The following PRAMEF1 variants were observed in gnomAD, a reference collection of about 807,000 sequenced individuals.
PRAMEF1 encodes the protein PRAME family member 1.
A neutral mutation model predicts 38.2 loss-of-function variants in PRAMEF1; 21 were observed. The observed-to-expected ratio is 0.55, with a 90% CI of 0.39 to 0.79. The LOEUF (loss-of-function observed/expected upper bound fraction) is 0.79, where lower values mean the gene tolerates loss of function less well. Ranked by LOEUF, PRAMEF1 falls within the 30% of genes least tolerant of loss-of-function variation. The probability of loss-of-function intolerance (pLI) is 0.00; values close to 1 mark genes in which losing one functional copy is unlikely to be tolerated. For synonymous variants in PRAMEF1, 200 were observed against 229.0 expected, an observed-to-expected ratio of 0.87 and a Z score of 1.14; for missense variants, 497 against 565.8, an observed-to-expected ratio of 0.88 and a Z score of 1.23.
Position 12,796,377 on chromosome 1 carries a change from C to A in PRAMEF1, c.*381C>A. ...GACATCAGTGAGAACTTCAGGGACC[C>A]GTGTCCTAGAGTCGGAAAGAGAAGC... On this transcript the variant is annotated 3_prime_UTR_variant, in exon 4 of 4. Transcript: ENST00000332296. 3.8e-6 allele frequency: 1 copy of A among 262,190 alleles called. No homozygotes were observed. Among genetic ancestry groups the A allele is most frequent in the Non-Finnish European group, 7.2e-6 (1 of 139,042 alleles). 16.2% of individuals were successfully genotyped at this position (262,190 alleles called of 1,614,324 possible). A position where few individuals can be genotyped will look rare whatever the true frequency, so the allele number is the denominator to read the frequency against.
chr1:12,792,262 T>A (rs1439581133), intron 1 of PRAMEF1, among the ~76,000 whole-genome samples: 2 of 151,390 alleles, frequency 1.3e-5, no homozygotes, highest in African/African-American at 4.8e-5. Context: ...CCTCAGGAGA[T>A]CTGCCCACCT....
chr1:12,794,350 G>A lies in PRAMEF1; in HGVS notation c.723G>A (p.Arg241=). 1.9e-6 allele frequency: 3 copies of A among 1,612,096 alleles called. No individual in the cohort carries two copies. Among genetic ancestry groups the A allele is most frequent in the Non-Finnish European group, 1.7e-6 (2 of 1,179,030 alleles). Residue 241 remains arginine, a synonymous_variant, in exon 3 of 4, where the codon AGG becomes AGA. Transcript: ENST00000332296. The stretch of plus-strand genomic sequence containing the variant: ...ATCTTCGCAAACTCGTTTTCTCCAG[G>A]TGCCATCATTACACGTCAGATAATG... ...MKNLRKLVFS[R]CHHYTSDNEL...
At chr1:12,791,792 A>C (rs1384437717) in intron 1 of PRAMEF1, among the ~76,000 whole-genome samples, 1 of 134,032 alleles carries the variant, frequency 7.5e-6, no homozygotes, top group Non-Finnish European at 1.7e-5. Flanking sequence ...CAGTTCATAG[A>C]CTTGGTGTTA....
rs2100304079 is a variant in PRAMEF1 at position 12,796,351 on chromosome 1, T to C, written c.*355T>C. On this transcript the variant is annotated 3_prime_UTR_variant, in exon 4 of 4. Transcript: ENST00000332296. ...GCAAGGTTGGAGGAAAATGTTGAGG[T>C]GACATCAGTGAGAACTTCAGGGACC... 3.2e-6 allele frequency: 1 copy of C among 311,112 alleles called. No individual in the cohort carries two copies. The highest frequency in any genetic ancestry group is 5.9e-6 in the Non-Finnish European group (1 of 170,434). 19.3% of individuals were successfully genotyped at this position (311,112 alleles called of 1,614,324 possible).
Position 12,795,447 on chromosome 1 carries a change from G to A in PRAMEF1, c.876G>A (p.Gln292=). ...GHLEQLIRCL[Q]NPLENLELTY... ...TTCTTGATCTCCACAGGTGCCTCCA[G>A]AACCCCTTGGAGAACTTGGAATTAA... The change falls in exon 4 of 4, where the codon CAG becomes CAA. Residue 292 remains glutamine (Q), a synonymous_variant. Transcript: ENST00000332296. 1.9e-6 allele frequency: 3 copies of A among 1,611,342 alleles called. No homozygotes were observed. The highest frequency in any genetic ancestry group is 2.5e-6 in the Non-Finnish European group (3 of 1,178,544).
chr1:12,795,158 G>C (rs199641992), intron 3 of PRAMEF1, among the ~76,000 whole-genome samples: 25 of 149,308 alleles, frequency 1.7e-4, no homozygotes, highest in Non-Finnish European at 3.7e-4. Flanking sequence ...GGGTACCTGT[G>C]GCCCAGAGAT....
intron 1 of PRAMEF1, among the ~76,000 whole-genome samples, chr1:12,792,642 T>C (rs1639313028): frequency 6.6e-6 from 1 of 151,354 alleles, no homozygotes; most frequent in African/African-American, 2.4e-5. Context: ...AGTGGTGCGA[T>C]CTTGGCTCAT....
rs748961510 is a variant in PRAMEF1, at chr1:12,795,451, C to A, written c.880C>A (p.Pro294Thr). Residue 294 changes from proline to threonine, a missense_variant, in exon 4 of 4, where the codon CCC (proline) becomes ACC (threonine). Pro to Thr is a conservative substitution (Grantham distance 38). Transcript: ENST00000332296. ...LEQLIRCLQN[P>T]LENLELTYGY... is the part of the protein sequence containing the mutation. ...TGATCTCCACAGGTGCCTCCAGAAC[C>A]CCTTGGAGAACTTGGAATTAACTTA... The A allele has an allele frequency of 2.5e-6, 4 of 1,611,644 alleles. No homozygotes were observed. Among genetic ancestry groups the A allele is most frequent in the Non-Finnish European group, 3.4e-6 (4 of 1,178,674 alleles).
At chr1:12,792,997 G>C (rs1639320783) in intron 1 of PRAMEF1, among the ~76,000 whole-genome samples, 1 of 151,078 alleles carries the variant, frequency 6.6e-6, no homozygotes, top group East Asian at 2.0e-4. Context: ...TTTCTTCAAA[G>C]AGGTAGAGCT....
At chr1:12,795,073 G>A in intron 3 of PRAMEF1, 2 of 1,099,846 alleles carry the variant, frequency 1.8e-6, no homozygotes, top group East Asian at 4.8e-5. Flanking sequence ...ATGTCAGGGA[G>A]CCCCTGCTGA....
intron 1 of PRAMEF1, among the ~76,000 whole-genome samples, chr1:12,792,071 G>T (rs1308663017): frequency 6.6e-6 from 1 of 150,918 alleles, no homozygotes; most frequent in African/African-American, 2.4e-5. Context: ...TGCCCAGGCT[G>T]CAGTGCCATG....
In PRAMEF1 at chr1:12,795,673, G is replaced by A. The variant is rs148127907; in HGVS notation, c.1102G>A (p.Ala368Thr). 9,765 of 1,577,066 alleles carry A rather than the reference G, an allele frequency of 6.2e-3. 431 individuals are homozygous for A. Among genetic ancestry groups the A allele is most frequent in the East Asian group, 0.025 (1,068 of 42,388 alleles). The change falls in exon 4 of 4, where the codon GCC (alanine) becomes ACC (threonine). Residue 368 changes from alanine to threonine, a missense_variant. By Grantham distance (58) the Ala-to-Thr change is moderately conservative (BLOSUM62 0). This residue lies in a region of PRAMEF1 where 470 missense variants were observed against 501.9 expected (regional missense o/e 0.94). Transcript: ENST00000332296. ...TCAGATCCACTACTCCCAACTCAGT[G>A]CCATCCTGCCTGGCCTGAGCCGCTG... The part of the protein sequence containing the change: ...GCQIHYSQLS[A>T]ILPGLSRCSQ...
intron 1 of PRAMEF1, among the ~76,000 whole-genome samples, chr1:12,792,225 T>C (rs1420304796): frequency 6.6e-6 from 1 of 151,204 alleles, no homozygotes; most frequent in Non-Finnish European, 1.5e-5. Context: ...TTTTGCCATG[T>C]TGGCCATGCT....
At chr1:12,795,189 GA>G (rs201856435) in intron 3 of PRAMEF1, among the ~76,000 whole-genome samples, 3,361 of 141,880 alleles carry the variant, frequency 0.024, 47 homozygotes, top group East Asian at 0.056. Context: ...GCTAAAAGAT[GA>G]AAAAAAAAAG....
At chr1:12,795,297 C>A (rs1474917270) in intron 3 of PRAMEF1, 141 bp from the exon 4 acceptor site, 2 of 771,074 alleles carry the variant, frequency 2.6e-6, no homozygotes, top group South Asian at 3.7e-5. Flanking sequence ...GGGTCCTCAT[C>A]ATGCAGCAAC....
Position 12,794,530 on chromosome 1 carries a change from G to A in PRAMEF1, c.866+37G>A, listed in dbSNP as rs183245154. On this transcript the variant is annotated intron_variant, in intron 3 of 3. Coordinates refer to ENST00000332296, the MANE Select transcript of PRAMEF1 (RefSeq NM_023013.4). ...TCATGCACTTTGTATGCAGACCACA[G>A]CATAGCCTTGTTCTGTAACAGCAAA... The A allele has an allele frequency of 2.4e-5, 38 of 1,607,130 alleles. 1 individual carries two copies. The African/African-American group carries it at 4.0e-4, about 17-fold the overall frequency.
At position 12,796,302 on chromosome 1, in the gene PRAMEF1, A is replaced by AG. The variant is rs1639402632; in HGVS notation, c.*309dup. Reference sequence around the variant, plus strand: ...GAAGCACAGGCAAGTGTTCAGTGTGAGGGAAAAAACATAACAGCAGGGGGC... The same window carrying AG: ...GAAGCACAGGCAAGTGTTCAGTGTGAGGGGAAAAAACATAACAGCAGGGGGC... On this transcript the variant is annotated 3_prime_UTR_variant, in exon 4 of 4. Coordinates refer to ENST00000332296, the MANE Select transcript of PRAMEF1 (RefSeq NM_023013.4). 2 of 468,310 alleles carry AG rather than the reference A, an allele frequency of 4.3e-6. No homozygotes were observed. Among genetic ancestry groups the AG allele is most frequent in the Non-Finnish European group, 3.6e-6 (1 of 281,184 alleles). The allele number at this position is 468,310 out of a possible 1,614,324, so 29.0% of individuals were successfully genotyped here. A position where few individuals can be genotyped will look rare whatever the true frequency, so the allele number is the denominator to read the frequency against.
At position 12,793,628 on chromosome 1, in the gene PRAMEF1, G is replaced by A. The variant is rs535301007; in HGVS notation, c.287+114G>A. On this transcript the variant is annotated intron_variant, in intron 2 of 3. Coordinates refer to ENST00000332296, the MANE Select transcript of PRAMEF1 (RefSeq NM_023013.4). ...CCCAGAGTCTTCTGATGGTGTTGGC[G>A]AGGAAGATCAGGGAGGCTTTGGCCA... 214 of 1,550,946 alleles carry A rather than the reference G, an allele frequency of 1.4e-4. 4 individuals carry two copies. In the African/African-American group the frequency reaches 2.6e-3, roughly 19 times the overall value.
At position 12,795,727 on chromosome 1, in the gene PRAMEF1, A is replaced by C. The variant is rs76778387; in HGVS notation, c.1156A>C (p.Arg386=). The C allele has an allele frequency of 0.018, 27,555 of 1,563,148 alleles. 614 individuals carry two copies. Among genetic ancestry groups the C allele is most frequent in the South Asian group, 0.035 (3,042 of 87,872 alleles). ...CSQLTTFYFG[R]NCMSIDALKD... ...CCAGCTCACCACCTTCTACTTTGGC[A>C]GAAATTGCATGTCTATTGACGCCCT... Residue 386 remains arginine, a synonymous_variant, in exon 4 of 4, where the codon AGA becomes CGA. Transcript: ENST00000332296.
Sources: gnomAD v4.1 joint callset for allele counts (sites outside exome capture counted in the v4.1 genomes callset) on GRCh38, gnomAD v4.1.1 for gene constraint, gnomAD v4.1.1 regional missense constraint, MANE v1.5 for transcripts, NCBI Gene and HGNC (gene_info 2026-07-23, HGNC 2026-07-21) for gene names.